Variants in SLC39A11 observed in about 807,000 individuals in gnomAD.
SLC39A11 encodes solute carrier family 39 member 11.
Under a neutral mutation model 36.1 loss-of-function variants are expected in SLC39A11, and 33 were observed. That is an observed-to-expected ratio of 0.91 (90% CI 0.69 to 1.22). SLC39A11 has a LOEUF of 1.22. Ranked by LOEUF, SLC39A11 falls within the 50% of genes most tolerant of loss-of-function variation. The probability of loss-of-function intolerance (pLI) is 0.00; values close to 1 mark genes in which losing one functional copy is unlikely to be tolerated. For missense variants in SLC39A11, 432 were observed against 430.3 expected (o/e 1.00, Z -0.03); for synonymous variants, 166 against 170.3 (o/e 0.97, Z 0.20).
intron 4 of SLC39A11, 43 bp from the exon 5 acceptor site, chr17:72,947,918 G>A (rs374168495): frequency 1.2e-6 from 2 of 1,606,152 alleles, no homozygotes; most frequent in Non-Finnish European, 1.7e-6. Context: ...CCACTACTGT[G>A]TTAATTCCCC....
At chr17:72,846,014 CTCTCTTTTTTT>C (rs1441139492) in intron 6 of SLC39A11, among the ~76,000 whole-genome samples, 19 of 96,254 alleles carry the variant, frequency 2.0e-4, no homozygotes, top group African/African-American at 7.1e-4. Flanking sequence ...CTCTCTCTCT[CTCTCTTTTTTT>C]TTTTTTTTTT....
intron 6 of SLC39A11, among the ~76,000 whole-genome samples, chr17:72,766,975 C>T (rs558195563): frequency 4.6e-5 from 7 of 152,258 alleles, no homozygotes; most frequent in African/African-American, 1.2e-4. Flanking sequence ...ACCTCCCCTC[C>T]GACCAGAGAC....
chr17:72,998,587 G>A (rs542959395), intron 4 of SLC39A11, among the ~76,000 whole-genome samples: 42 of 152,302 alleles, frequency 2.8e-4, no homozygotes, highest in African/African-American at 9.1e-4. Context: ...AAACAAAGAC[G>A]TGATAGGAAT....
At chr17:72,909,744 T>C (rs1172147865) in intron 5 of SLC39A11, among the ~76,000 whole-genome samples, 1 of 95,798 alleles carries the variant, frequency 1.0e-5, no homozygotes, top group East Asian at 2.3e-4. Flanking sequence ...CTTTTTTTTC[T>C]TTTTTCTTTT....
At chr17:72,816,175 C>T (rs532691125) in intron 6 of SLC39A11, among the ~76,000 whole-genome samples, 1 of 152,098 alleles carries the variant, frequency 6.6e-6, no homozygotes, top group African/African-American at 2.4e-5. Flanking sequence ...AGGTGGTTGC[C>T]CAGTTGTAGA....
chr17:72,831,229 A>ACT (rs530373405), intron 6 of SLC39A11, among the ~76,000 whole-genome samples: 44 of 152,148 alleles, frequency 2.9e-4, no homozygotes, highest in African/African-American at 1.0e-3. Context: ...AAATGAACAA[A>ACT]CTCTCTGGGA....
rs1282960886 is a variant in SLC39A11 at position 72,657,462 on chromosome 17, A to G, written c.672-8194T>C. Among the ~76,000 whole-genome samples the G allele has an allele frequency of 2.0e-5, 3 of 152,384 alleles. No homozygotes were observed. The East Asian group carries it at 5.8e-4, about 29-fold the overall frequency. On this transcript the variant is annotated intron_variant, in intron 7 of 9. Coordinates refer to ENST00000255559, the MANE Select transcript of SLC39A11 (RefSeq NM_139177.4). ...GAATGGCAAGAAGGAAGACTACAGAAGATCACTTGACTGCCCTGACTTTGG... is the reference window on the plus strand; with the variant it reads ...GAATGGCAAGAAGGAAGACTACAGAGGATCACTTGACTGCCCTGACTTTGG...
At chr17:72,971,720 A>G (rs2087471370) in intron 4 of SLC39A11, among the ~76,000 whole-genome samples, 1 of 142,878 alleles carries the variant, frequency 7.0e-6, no homozygotes, top group African/African-American at 2.5e-5. Context: ...TGTTACTAGC[A>G]TATGCAACCG....
rs532321417 is a variant in SLC39A11, at chr17:72,737,752, T to A, written c.602-1033A>T. Among the ~76,000 whole-genome samples the A allele has an allele frequency of 2.0e-5, 3 of 152,234 alleles. No homozygotes were observed. In the South Asian group the frequency reaches 6.2e-4, roughly 32 times the overall value. On this transcript the variant is annotated intron_variant, in intron 6 of 9. Coordinates refer to ENST00000255559, the MANE Select transcript of SLC39A11 (RefSeq NM_139177.4). Reference sequence around the variant, plus strand: ...TCTGGAAGGAACATCTTTCCCAGCATCCCTCATACCTCTTCGGCCAGAACA... The same window carrying A: ...TCTGGAAGGAACATCTTTCCCAGCAACCCTCATACCTCTTCGGCCAGAACA...
At chr17:72,864,414 G>T (rs1018745617) in intron 5 of SLC39A11, among the ~76,000 whole-genome samples, 2 of 151,396 alleles carry the variant, frequency 1.3e-5, no homozygotes, top group Non-Finnish European at 2.9e-5. Context: ...TTTACCTGCA[G>T]ATCTGTCCTT....
intron 5 of SLC39A11, among the ~76,000 whole-genome samples, chr17:72,859,224 T>C (rs961559953): frequency 6.6e-6 from 1 of 152,216 alleles, no homozygotes; most frequent in African/African-American, 2.4e-5. Flanking sequence ...TTGTAATCAG[T>C]GCACACAAAT....
intron 6 of SLC39A11, among the ~76,000 whole-genome samples, chr17:72,767,566 G>C (rs577398495): frequency 2.5e-4 from 38 of 152,354 alleles, no homozygotes; most frequent in African/African-American, 9.1e-4. Flanking sequence ...AGAGCTGGAA[G>C]ACAGCTCCAC....
chr17:73,016,430 T>C (rs1244675798), intron 4 of SLC39A11, among the ~76,000 whole-genome samples: 2 of 151,954 alleles, frequency 1.3e-5, no homozygotes, highest in East Asian at 1.9e-4. Context: ...CCCTCCCAAG[T>C]TCAAGTGATT....
At chr17:73,090,115 G>A (rs1016342355) in intron 1 of SLC39A11, among the ~76,000 whole-genome samples, 1 of 152,194 alleles carries the variant, frequency 6.6e-6, no homozygotes, top group African/African-American at 2.4e-5. Context: ...TCTGTGAGGA[G>A]CCAGCAGCCC....
intron 5 of SLC39A11, among the ~76,000 whole-genome samples, chr17:72,851,354 C>A (rs1431138465): frequency 3.3e-5 from 5 of 152,160 alleles, no homozygotes; most frequent in Non-Finnish European, 7.3e-5. Flanking sequence ...GAGCATCCAG[C>A]TTTCAGTTCA....
intron 4 of SLC39A11, among the ~76,000 whole-genome samples, chr17:72,992,494 A>G (rs1218956964): frequency 6.6e-6 from 1 of 152,116 alleles, no homozygotes; most frequent in African/African-American, 2.4e-5. Context: ...AGTTTGTTCA[A>G]TTTTTTTACT....
intron 7 of SLC39A11, among the ~76,000 whole-genome samples, chr17:72,679,140 C>A (rs935938208): frequency 2.6e-5 from 4 of 151,994 alleles, no homozygotes; most frequent in Non-Finnish European, 5.9e-5. Context: ...GAAGAGTGAT[C>A]AAGAGGTGGG....
intron 4 of SLC39A11, among the ~76,000 whole-genome samples, chr17:72,958,586 C>T (rs1357896210): frequency 6.6e-6 from 1 of 152,202 alleles, no homozygotes; most frequent in Admixed American, 6.5e-5. Flanking sequence ...CACAGTGGCT[C>T]ACACCTGTAA....
At chr17:72,766,340 G>T (rs2075758752) in intron 6 of SLC39A11, among the ~76,000 whole-genome samples, 1 of 152,194 alleles carries the variant, frequency 6.6e-6, no homozygotes. Flanking sequence ...ATACTTAGAA[G>T]AAGAATTGCT....
Sources: allele counts gnomAD v4.1 joint callset (sites outside exome capture counted in the v4.1 genomes callset), GRCh38; gene constraint gnomAD v4.1.1; transcripts MANE v1.5; gene names NCBI Gene and HGNC (gene_info 2026-07-23, HGNC 2026-07-21).